Variants in NOP58 observed in about 807,000 individuals in gnomAD.
NOP58 encodes NOP58 ribonucleoprotein.
NOP58 carries 44 observed loss-of-function variants against 71.2 expected under a neutral mutation model. The ratio of observed to expected loss-of-function variants is 0.62; its 90% CI spans 0.49 to 0.79. The LOEUF (loss-of-function observed/expected upper bound fraction) is 0.79. Ranked by LOEUF, NOP58 falls within the 30% of genes least tolerant of loss-of-function variation. The pLI is 0.00. For missense variants in NOP58, 538 were observed against 620.2 expected, an observed-to-expected ratio of 0.87 and a Z score of 1.41; for synonymous variants, 228 against 200.3, an observed-to-expected ratio of 1.14 and a Z score of -1.17.
At chr2:202,289,889 T>G (rs1469452169) in intron 6 of NOP58, among the ~76,000 whole-genome samples, 3 of 152,186 alleles carry the variant, frequency 2.0e-5, no homozygotes, top group Admixed American at 2.0e-4. Context: ...TTGCATAACA[T>G]CATAAGAATA....
chr2:202,287,681 G>C lies in NOP58; in HGVS notation c.456G>C (p.Lys152Asn), dbSNP rs761299636. 1 of 1,613,136 alleles carries C rather than the reference G, an allele frequency of 6.2e-7. No homozygotes were observed. The highest frequency in any genetic ancestry group is 1.1e-5 in the South Asian group (1 of 91,054). Residue 152 changes from lysine (K) to asparagine (N), a missense_variant, in exon 6 of 15, where the codon AAG becomes AAC. Lys to Asn is a moderately conservative substitution (Grantham distance 94). Transcript: ENST00000264279. Reference protein sequence around the residue: ...LAHSLSRYRLKFSADKVDTMI... With the variant: ...LAHSLSRYRLNFSADKVDTMI... ...CCAGCCTGTCTCGATATAGATTGAA[G>C]TTTAGCGCTGATAAAGTAGACACAA...
At chr2:202,268,489 C>T (rs560296765) in intron 1 of NOP58, among the ~76,000 whole-genome samples, 6 of 150,694 alleles carry the variant, frequency 4.0e-5, no homozygotes, top group Non-Finnish European at 8.9e-5. Flanking sequence ...GAGCTGAGAT[C>T]GTGCCATTGC....
chr2:202,295,597 C>G (rs1193417891), intron 9 of NOP58, 77 bp from the exon 10 acceptor site: 2 of 1,000,424 alleles, frequency 2.0e-6, no homozygotes, highest in Non-Finnish European at 2.8e-6. Context: ...TGTAATAATT[C>G]TATAGGTCTT....
chr2:202,265,920 G>A lies in NOP58; in HGVS notation c.-22G>A. 1.9e-6 allele frequency: 3 copies of A among 1,614,102 alleles called. No individual in the cohort carries two copies. The highest frequency in any genetic ancestry group is 2.2e-5 in the South Asian group (2 of 91,080). On this transcript the variant is annotated 5_prime_UTR_variant, in exon 1 of 15. Transcript: ENST00000264279. Reference sequence around the variant, plus strand: ...CTCTACAGCTTCTGGCAGGCCGTGCGGCGCCCTGACCCGGCCTCACCATGT... The same window carrying A: ...CTCTACAGCTTCTGGCAGGCCGTGCAGCGCCCTGACCCGGCCTCACCATGT...
chr2:202,275,169 T>C lies in NOP58; in HGVS notation c.102T>C (p.Thr34=), dbSNP rs139075493. The change falls in exon 2 of 15, where the codon ACT becomes ACC. Residue 34 remains threonine (T), a synonymous_variant. Coordinates refer to ENST00000264279, the MANE Select transcript of NOP58 (RefSeq NM_015934.5). ...ATAGTTTATGGAAAGAATTTGAAAC[T>C]CCAGAGAAAGCAAACAAAATGTAAG... The part of the protein sequence containing the change: ...EVDSLWKEFE[T]PEKANKIVKL... The C allele has an allele frequency of 5.6e-4, 884 of 1,567,470 alleles. 2 individuals carry two copies. The African/African-American group carries it at 0.011, about 20-fold the overall frequency.
At chr2:202,270,983 C>T (rs1235734325) in intron 1 of NOP58, among the ~76,000 whole-genome samples, 2 of 151,906 alleles carry the variant, frequency 1.3e-5, no homozygotes, top group African/African-American at 2.4e-5. Flanking sequence ...GTAGTCCCAG[C>T]TGAGGCAGGA....
intron 2 of NOP58, among the ~76,000 whole-genome samples, chr2:202,276,273 G>A (rs62194069): frequency 0.05 from 7,631 of 151,524 alleles, 254 homozygotes; most frequent in Non-Finnish European, 0.076. Flanking sequence ...CTGGGAGGCG[G>A]AAGTTGCAGT....
At chr2:202,278,518 A>G (rs1688643434) in intron 3 of NOP58, among the ~76,000 whole-genome samples, 1 of 152,212 alleles carries the variant, frequency 6.6e-6, no homozygotes. Context: ...TATTTTTAAA[A>G]GATTCAGAAG....
At chr2:202,291,939 G>T (rs1465966912) in intron 8 of NOP58, among the ~76,000 whole-genome samples, 2 of 134,890 alleles carry the variant, frequency 1.5e-5, no homozygotes, top group East Asian at 5.1e-4. Flanking sequence ...ATTAAAAAGA[G>T]CATGATACAA....
At chr2:202,295,174 C>T (rs1688970627) in intron 9 of NOP58, among the ~76,000 whole-genome samples, 1 of 152,150 alleles carries the variant, frequency 6.6e-6, no homozygotes. Flanking sequence ...TATTTTCAGA[C>T]TGCAGTTAAC....
At chr2:202,294,543 G>A (rs977550477) in intron 9 of NOP58, among the ~76,000 whole-genome samples, 8 of 152,128 alleles carry the variant, frequency 5.3e-5, no homozygotes, top group Non-Finnish European at 1.0e-4. Flanking sequence ...GTTTGAAACA[G>A]AGGATAGTAC....
chr2:202,269,861 C>T (rs1296093405), intron 1 of NOP58, among the ~76,000 whole-genome samples: 2 of 152,194 alleles, frequency 1.3e-5, no homozygotes, highest in East Asian at 1.9e-4. Context: ...CATGTGGTAG[C>T]CATTAGTACG....
chr2:202,299,245 A>T (rs1041933003), intron 12 of NOP58, among the ~76,000 whole-genome samples: 1 of 152,206 alleles, frequency 6.6e-6, no homozygotes, highest in Non-Finnish European at 1.5e-5. Flanking sequence ...GGCGTGAGCC[A>T]CAGCACCCGG....
intron 3 of NOP58, among the ~76,000 whole-genome samples, chr2:202,279,732 A>G (rs1244852249): frequency 6.6e-6 from 1 of 152,166 alleles, no homozygotes; most frequent in Non-Finnish European, 1.5e-5. Flanking sequence ...AGGCAGAGAT[A>G]GCACTGAGCC....
At chr2:202,284,581 C>T in intron 5 of NOP58, 100 bp downstream of exon 5, 1 of 1,239,478 alleles carries the variant, frequency 8.1e-7, no homozygotes, top group African/African-American at 1.5e-5. Context: ...TGAACCACAT[C>T]AGAACCTTAT....
At chr2:202,281,252 G>A (rs1393268471) in intron 3 of NOP58, among the ~76,000 whole-genome samples, 3 of 150,768 alleles carry the variant, frequency 2.0e-5, no homozygotes, top group Admixed American at 6.6e-5. Context: ...TCAGCCTCCC[G>A]AGTAGCTAGG....
intron 5 of NOP58, among the ~76,000 whole-genome samples, chr2:202,285,127 T>C (rs1351364189): frequency 1.3e-5 from 2 of 152,022 alleles, no homozygotes; most frequent in Non-Finnish European, 1.5e-5. Flanking sequence ...CTGCAGCCCC[T>C]GCCTCCCAGG....
intron 1 of NOP58, 70 bp downstream of exon 1, chr2:202,266,056 AG>A: frequency 6.4e-7 from 1 of 1,556,268 alleles, no homozygotes; most frequent in Admixed American, 1.7e-5. Flanking sequence ...GAAAGACTTA[AG>A]CACGGAACTA....
At position 202,297,835 on chromosome 2, in the gene NOP58, T is replaced by G; in HGVS notation, c.1207-10T>G. 1 of 1,514,728 alleles carries G rather than the reference T, an allele frequency of 6.6e-7. No individual in the cohort carries two copies. The highest frequency in any genetic ancestry group is 1.2e-5 in the South Asian group (1 of 83,218). The allele number at this position is 1,514,728 out of a possible 1,614,324, so 93.8% of individuals were successfully genotyped here. Reference sequence around the variant, plus strand: ...AGAAGTGTATTTGTAATTTTTCGTTTTCTTCTTAGATAAGAAAAATAAGTG... The same window carrying G: ...AGAAGTGTATTTGTAATTTTTCGTTGTCTTCTTAGATAAGAAAAATAAGTG... On this transcript the variant is annotated splice_polypyrimidine_tract_variant and intron_variant, in intron 11 of 14. Coordinates refer to ENST00000264279, the MANE Select transcript of NOP58 (RefSeq NM_015934.5).
Sources: allele counts gnomAD v4.1 joint callset (sites outside exome capture counted in the v4.1 genomes callset), GRCh38; gene constraint gnomAD v4.1.1; transcripts MANE v1.5; gene names NCBI Gene and HGNC (gene_info 2026-07-23, HGNC 2026-07-21).